The following PSD3 variants were observed in gnomAD, a reference collection of about 807,000 sequenced individuals.
PSD3 encodes the protein pleckstrin and Sec7 domain containing 3, also known as PH and SEC7 domain-containing protein 3.
PSD3 carries 49 observed loss-of-function variants against 105.5 expected under a neutral mutation model. That is an observed-to-expected ratio of 0.46 (90% CI 0.37 to 0.59). The LOEUF is 0.59. Among genes scored for constraint, PSD3 ranks in the 20% least tolerant of loss-of-function variants. PSD3 has a pLI of 0.00. For synonymous variants in PSD3, 557 were observed against 457.8 expected (o/e 1.22, Z -2.77); for missense variants, 1,561 against 1,263.8 (o/e 1.24, Z -3.57).
chr8:19,032,516 G>A (rs1015153717), intron 1 of PSD3, among the ~76,000 whole-genome samples: 3 of 151,886 alleles, frequency 2.0e-5, no homozygotes, highest in Admixed American at 6.6e-5. Flanking sequence ...CAGGCACAGT[G>A]GCACATGCCT....
chr8:18,738,156 T>C (rs1393474679), intron 9 of PSD3, among the ~76,000 whole-genome samples: 1 of 152,194 alleles, frequency 6.6e-6, no homozygotes, highest in Non-Finnish European at 1.5e-5. Flanking sequence ...CAGCTCAGCC[T>C]CTACATCACA....
chr8:18,945,505 C>G (rs1019476561), intron 1 of PSD3, among the ~76,000 whole-genome samples: 1 of 152,184 alleles, frequency 6.6e-6, no homozygotes, highest in African/African-American at 2.4e-5. Context: ...GCCCCTAAGA[C>G]TCCTTTCCGA....
At chr8:18,779,030 G>A (rs1231522307) in intron 8 of PSD3, among the ~76,000 whole-genome samples, 2 of 152,050 alleles carry the variant, frequency 1.3e-5, no homozygotes, top group African/African-American at 4.8e-5. Flanking sequence ...GAGAACTGAT[G>A]TTAGATCTTC....
chr8:18,866,212 G>A (rs568674388), intron 4 of PSD3, among the ~76,000 whole-genome samples: 1 of 152,326 alleles, frequency 6.6e-6, no homozygotes, highest in African/African-American at 2.4e-5. Context: ...GAAGGTGAAA[G>A]GGGAGGACTA....
chr8:18,856,010 G>A (rs1472290376), intron 4 of PSD3, among the ~76,000 whole-genome samples: 2 of 152,132 alleles, frequency 1.3e-5, no homozygotes, highest in African/African-American at 2.4e-5. Context: ...TAACAGAACA[G>A]GGGGCAAAGA....
At chr8:18,945,778 C>T (rs1485553740) in intron 1 of PSD3, among the ~76,000 whole-genome samples, 1 of 152,148 alleles carries the variant, frequency 6.6e-6, no homozygotes, top group Non-Finnish European at 1.5e-5. Flanking sequence ...GAGTTTGAGA[C>T]CAGCCTGGTC....
intron 9 of PSD3, among the ~76,000 whole-genome samples, chr8:18,722,725 C>T (rs1020914639): frequency 6.6e-6 from 1 of 152,108 alleles, no homozygotes; most frequent in Non-Finnish European, 1.5e-5. Flanking sequence ...CTGACCTCTT[C>T]GGCCTGGGAT....
intron 1 of PSD3, among the ~76,000 whole-genome samples, chr8:18,959,306 C>T (rs1745854576): frequency 6.6e-6 from 1 of 152,118 alleles, no homozygotes; most frequent in South Asian, 2.1e-4. Context: ...TATCCATCTC[C>T]CTTCCGAACA....
intron 12 of PSD3, among the ~76,000 whole-genome samples, chr8:18,591,683 G>T (rs970842042): frequency 6.6e-6 from 1 of 152,162 alleles, no homozygotes; most frequent in Non-Finnish European, 1.5e-5. Context: ...GAGGGAGAGA[G>T]AGAGGAGCAG....
rs375224483 is a variant in PSD3 at position 19,079,429 on chromosome 8, G to A, written c.324+4777C>T. On this transcript the variant is annotated intron_variant, in intron 1 of 1. Coordinates refer to the PSD3 transcript ENST00000521475. ...TTGTGCATGCTCTTTCTTTGTTCTAGTTTCTTTTATAAAATTCTAAATGAC... is the reference window on the plus strand; with the variant it reads ...TTGTGCATGCTCTTTCTTTGTTCTAATTTCTTTTATAAAATTCTAAATGAC... Among the ~76,000 whole-genome samples the A allele has an allele frequency of 4.1e-4, 62 of 152,154 alleles. 1 individual carries two copies. In the South Asian group the frequency reaches 0.013, roughly 31 times the overall value.
chr8:19,017,000 G>A (rs1219526471), upstream of PSD3, among the ~76,000 whole-genome samples: 1 of 151,840 alleles, frequency 6.6e-6, no homozygotes, highest in Non-Finnish European at 1.5e-5. Flanking sequence ...ATGTTGGCAG[G>A]GACATTCAAG....
At chr8:18,810,438 T>C (rs886084210) in intron 4 of PSD3, among the ~76,000 whole-genome samples, 1 of 152,206 alleles carries the variant, frequency 6.6e-6, no homozygotes, top group Admixed American at 6.5e-5. Context: ...TAAAACAATA[T>C]ACTCAATAGT....
At chr8:18,558,583 G>T (rs975949763) in intron 14 of PSD3, among the ~76,000 whole-genome samples, 1 of 152,168 alleles carries the variant, frequency 6.6e-6, no homozygotes, top group East Asian at 1.9e-4. Flanking sequence ...AGCACTTTGG[G>T]AGGCTGAGGC....
intron 4 of PSD3, among the ~76,000 whole-genome samples, chr8:18,828,047 GTATA>G (rs368464281): frequency 3.2e-5 from 4 of 126,376 alleles, no homozygotes; most frequent in African/African-American, 1.2e-4. Context: ...ATATATATAT[GTATA>G]TATATATATA....
intron 11 of PSD3, among the ~76,000 whole-genome samples, chr8:18,612,159 C>G (rs940335055): frequency 7.0e-6 from 1 of 143,096 alleles, no homozygotes; most frequent in Non-Finnish European, 1.5e-5. Context: ...TACTAAATTT[C>G]TTTGTTTCTG....
At chr8:18,754,380 T>A (rs1464915781) in intron 9 of PSD3, among the ~76,000 whole-genome samples, 3 of 152,142 alleles carry the variant, frequency 2.0e-5, no homozygotes. Flanking sequence ...TGAGACTCCA[T>A]CTCAAAATTA....
intron 1 of PSD3, among the ~76,000 whole-genome samples, chr8:19,074,586 TATATAC>T (rs1176748734): frequency 5.1e-3 from 55 of 10,714 alleles, no homozygotes; most frequent in East Asian, 0.013. Context: ...ACAACTCAGA[TATATAC>T]ATATATATAT....
At chr8:18,955,120 G>A (rs1263915513) in intron 1 of PSD3, among the ~76,000 whole-genome samples, 1 of 152,180 alleles carries the variant, frequency 6.6e-6, no homozygotes, top group Non-Finnish European at 1.5e-5. Context: ...GTGGCTGCTT[G>A]AGGGCCAACT....
chr8:19,053,791 A>AT (rs903148142), intron 1 of PSD3, among the ~76,000 whole-genome samples: 8 of 152,108 alleles, frequency 5.3e-5, no homozygotes, highest in African/African-American at 1.7e-4. Context: ...TGAGGGAAGG[A>AT]TTTTTTTCTG....
Sources: gnomAD v4.1 joint callset for allele counts (sites outside exome capture counted in the v4.1 genomes callset) on GRCh38, gnomAD v4.1.1 for gene constraint, MANE v1.5 for transcripts, NCBI Gene and HGNC (gene_info 2026-07-23, HGNC 2026-07-21) for gene names.